The following FNIP1 variants were observed in gnomAD, a reference collection of about 807,000 sequenced individuals.
FNIP1 encodes folliculin-interacting protein 1.
FNIP1 carries 40 observed loss-of-function variants against 124.5 expected under a neutral mutation model. That is an observed-to-expected ratio of 0.32 (90% CI 0.25 to 0.42). The LOEUF (loss-of-function observed/expected upper bound fraction) is 0.42. FNIP1 is among the 10% of genes least tolerant of loss of function. The pLI is 1.00. For synonymous variants in FNIP1, 472 were observed against 470.6 expected (o/e 1.00, Z -0.04); for missense variants, 1,176 against 1,403.7 (o/e 0.84, Z 2.59).
At chr5:131,665,734 T>C (rs1043582694) in intron 15 of FNIP1, among the ~76,000 whole-genome samples, 3 of 150,822 alleles carry the variant, frequency 2.0e-5, no homozygotes, top group Admixed American at 6.6e-5. Context: ...GGATTACAGA[T>C]GCCCACCACC....
intron 1 of FNIP1, among the ~76,000 whole-genome samples, chr5:131,781,469 T>C (rs1436817918): frequency 6.6e-6 from 1 of 152,224 alleles, no homozygotes; most frequent in Non-Finnish European, 1.5e-5. Context: ...TAGGGGCTAA[T>C]GCAGCTAGTG....
Position 131,644,684 on chromosome 5 carries a change from A to G in FNIP1, c.*1T>C, listed in dbSNP as rs1199890604. On this transcript the variant is annotated 3_prime_UTR_variant, in exon 18 of 18. Transcript: ENST00000510461. ...CCAATTTCTAACAATTTTTAGGTATATTAAAGGAGTATTTGTGCAACATAT... is the reference window on the plus strand; with the variant it reads ...CCAATTTCTAACAATTTTTAGGTATGTTAAAGGAGTATTTGTGCAACATAT... 6.2e-7 allele frequency: 1 copy of G among 1,613,320 alleles called. No individual in the cohort carries two copies. Among genetic ancestry groups the G allele is most frequent in the Non-Finnish European group, 8.5e-7 (1 of 1,179,458 alleles).
chr5:131,671,750 G>A lies in FNIP1; in HGVS notation c.2694C>T (p.Thr898=). The A allele has an allele frequency of 6.2e-7, 1 of 1,614,086 alleles. No individual in the cohort carries two copies. The highest frequency in any genetic ancestry group is 1.1e-5 in the South Asian group (1 of 91,084). Residue 898 remains threonine, a synonymous_variant, in exon 14 of 18, where the codon ACC becomes ACT. Transcript: ENST00000510461. ...CTCTTTGGTCCTGCTGAGGAAAGCA[G>A]GTTTTACATGAATCTTGGGGAACTG... is the stretch of plus-strand genomic sequence containing the variant. ...IETVPQDSCK[T]CFPQQDQRDT...
intron 2 of FNIP1, among the ~76,000 whole-genome samples, chr5:131,732,356 GAATA>G (rs1475784022): frequency 6.6e-6 from 1 of 152,160 alleles, no homozygotes; most frequent in Non-Finnish European, 1.5e-5. Flanking sequence ...AAAGTAAAAA[GAATA>G]AAAGCTTTAG....
At chr5:131,786,836 C>T (rs1772234968) in intron 1 of FNIP1, among the ~76,000 whole-genome samples, 1 of 152,190 alleles carries the variant, frequency 6.6e-6, no homozygotes, top group South Asian at 2.1e-4. Flanking sequence ...TTTTAGCCTC[C>T]AGAACTATGA....
chr5:131,720,555 T>C (rs1258728308), intron 3 of FNIP1, among the ~76,000 whole-genome samples: 1 of 151,812 alleles, frequency 6.6e-6, no homozygotes, highest in East Asian at 1.9e-4. Flanking sequence ...GGCAAAAAGA[T>C]AAAATATGGA....
intron 1 of FNIP1, among the ~76,000 whole-genome samples, chr5:131,751,820 T>A (rs1046101867): frequency 6.6e-6 from 1 of 152,178 alleles, no homozygotes; most frequent in African/African-American, 2.4e-5. Flanking sequence ...CCATAATGAC[T>A]GCAATGTGTA....
intron 5 of FNIP1, among the ~76,000 whole-genome samples, chr5:131,718,657 T>C (rs1314722925): frequency 1.3e-5 from 2 of 152,164 alleles, no homozygotes; most frequent in Non-Finnish European, 2.9e-5. Flanking sequence ...GATCTGAAAA[T>C]TGAAGAGCAC....
intron 8 of FNIP1, 132 bp from the exon 9 acceptor site, chr5:131,706,678 A>G: frequency 2.2e-6 from 2 of 911,440 alleles, no homozygotes; most frequent in South Asian, 5.0e-5. Flanking sequence ...ATGTTCATTA[A>G]AAGAACACAT....
chr5:131,791,078 T>G (rs1369198149), intron 1 of FNIP1, among the ~76,000 whole-genome samples: 2 of 152,234 alleles, frequency 1.3e-5, no homozygotes, highest in African/African-American at 4.8e-5. Flanking sequence ...CATGATAATC[T>G]TTTAAGATGA....
intron 1 of FNIP1, among the ~76,000 whole-genome samples, chr5:131,780,043 A>AAAT (rs911818472): frequency 3.4e-4 from 52 of 151,930 alleles, no homozygotes; most frequent in Admixed American, 2.2e-3. Flanking sequence ...TCTAGCAAAA[A>AAAT]AATAATAATA....
Position 131,783,763 on chromosome 5 carries a change from A to G in FNIP1, c.92+13067T>C, listed in dbSNP as rs541089328. ...TCAGCTGCAATACTGGAAGCTCAAG[A>G]CAATAGGGCAATGCCTTCAAATTAC... On this transcript the variant is annotated intron_variant, in intron 1 of 17. Transcript: ENST00000510461. Among the ~76,000 whole-genome samples, 7 of 152,304 alleles carry G rather than the reference A, an allele frequency of 4.6e-5. No homozygotes were observed. In the South Asian group the frequency reaches 1.4e-3, roughly 32 times the overall value.
At chr5:131,770,867 T>C (rs769739115) in intron 1 of FNIP1, among the ~76,000 whole-genome samples, 16 of 152,108 alleles carry the variant, frequency 1.1e-4, no homozygotes, top group Non-Finnish European at 1.9e-4. Context: ...CAAACAAACA[T>C]ATCAGTTTGT....
At chr5:131,648,543 T>C (rs1235812804) in intron 16 of FNIP1, among the ~76,000 whole-genome samples, 1 of 152,116 alleles carries the variant, frequency 6.6e-6, no homozygotes, top group African/African-American at 2.4e-5. Flanking sequence ...AACCAAATGG[T>C]TGTGGTTTTA....
intron 6 of FNIP1, among the ~76,000 whole-genome samples, chr5:131,714,101 A>G (rs914241795): frequency 6.6e-6 from 1 of 152,242 alleles, no homozygotes; most frequent in Non-Finnish European, 1.5e-5. Context: ...AAGGACACAT[A>G]GCTGATAGGC....
Position 131,672,577 on chromosome 5 carries a change from C to T in FNIP1, c.1867G>A (p.Glu623Lys). Residue 623 changes from glutamate to lysine, a missense_variant, in exon 14 of 18, where the codon GAG becomes AAG. Glu to Lys is a moderately conservative substitution (Grantham distance 56). Transcript: ENST00000510461. ...TCTCTCTCTTGTTGTGAAATGTTCTCTACATTTTGCCCAAGGAGTGGATGA... is the reference window on the plus strand; with the variant it reads ...TCTCTCTCTTGTTGTGAAATGTTCTTTACATTTTGCCCAAGGAGTGGATGA... Reference protein sequence around the residue: ...CSHPLLGQNVENISQQEREDI... With the variant: ...CSHPLLGQNVKNISQQEREDI... 6.2e-7 allele frequency: 1 copy of T among 1,614,088 alleles called. No homozygotes were observed. The highest frequency in any genetic ancestry group is 1.1e-5 in the South Asian group (1 of 91,072).
At chr5:131,689,556 T>C (rs1489183085) in intron 11 of FNIP1, among the ~76,000 whole-genome samples, 1 of 152,290 alleles carries the variant, frequency 6.6e-6, no homozygotes, top group African/African-American at 2.4e-5. Context: ...TTGGAATATT[T>C]TGTTATGAAG....
chr5:131,739,016 A>G (rs1042459145), intron 2 of FNIP1, among the ~76,000 whole-genome samples: 2 of 151,684 alleles, frequency 1.3e-5, no homozygotes, highest in Non-Finnish European at 2.9e-5. Flanking sequence ...GGGTCTTCCT[A>G]TGTTGGCCAG....
chr5:131,684,040 A>G (rs909213489), intron 11 of FNIP1, among the ~76,000 whole-genome samples: 2 of 152,234 alleles, frequency 1.3e-5, no homozygotes, highest in African/African-American at 4.8e-5. Context: ...TTTTTCTGTA[A>G]GGTACATCAC....
Sources: gnomAD v4.1 joint callset for allele counts (sites outside exome capture counted in the v4.1 genomes callset) on GRCh38, gnomAD v4.1.1 for gene constraint, MANE v1.5 for transcripts, NCBI Gene and HGNC (gene_info 2026-07-23, HGNC 2026-07-21) for gene names.